The following DSCAML1 variants were observed in gnomAD, a reference collection of about 807,000 sequenced individuals.
DSCAML1 encodes the protein cell adhesion molecule DSCAML1.
In DSCAML1, 38 loss-of-function variants were observed where a neutral mutation model predicts 200.5. That is an observed-to-expected ratio of 0.19 (90% CI 0.15 to 0.25). DSCAML1 has a LOEUF of 0.25. Ranked by LOEUF, DSCAML1 falls within the 10% of genes least tolerant of loss-of-function variation. The probability of loss-of-function intolerance (pLI) is 1.00; values close to 1 mark genes in which losing one functional copy is unlikely to be tolerated. For missense variants in DSCAML1, 2,223 were observed against 2,858.8 expected, an observed-to-expected ratio of 0.78 and a Z score of 5.07; for synonymous variants, 1,215 against 1,165.0, an observed-to-expected ratio of 1.04 and a Z score of -0.87.
chr11:117,610,529 A>T (rs984699222), intron 3 of DSCAML1, among the ~76,000 whole-genome samples: 9 of 152,092 alleles, frequency 5.9e-5, no homozygotes, highest in Non-Finnish European at 1.0e-4. Context: ...GCAAGGGCTC[A>T]TGGAGTGGTG....
intron 12 of DSCAML1, among the ~76,000 whole-genome samples, chr11:117,481,500 G>A (rs1186320131): frequency 3.4e-5 from 5 of 147,516 alleles, no homozygotes; most frequent in Non-Finnish European, 7.5e-5. Context: ...GAGGGGCTGA[G>A]GAGTCCTAGG....
chr11:117,614,783 G>T (rs1367745714), intron 3 of DSCAML1, among the ~76,000 whole-genome samples: 1 of 152,212 alleles, frequency 6.6e-6, no homozygotes, highest in East Asian at 1.9e-4. Context: ...GTCTTGACAT[G>T]TAGGGAAGTT....
At chr11:117,761,121 C>G (rs1442304063) in intron 3 of DSCAML1, among the ~76,000 whole-genome samples, 1 of 152,140 alleles carries the variant, frequency 6.6e-6, no homozygotes, top group Non-Finnish European at 1.5e-5. Context: ...GGACACACAG[C>G]CCACCGAGGA....
rs1455207934 is a variant in DSCAML1, at chr11:117,480,316, C to T, written c.2785+127G>A. ...ACAGCTGCTTGTGCACTGGTGGGTG[C>T]TTGTGTGTCTAGCTTGGATGGGCAG... On this transcript the variant is annotated intron_variant, in intron 14 of 32. Transcript: ENST00000651296. This position sits in a 1 kb window ranked among gnomAD's most constrained non-coding sequence, Gnocchi z 4.1. 5.0e-6 allele frequency: 7 copies of T among 1,405,050 alleles called. No individual in the cohort carries two copies. Among genetic ancestry groups the T allele is most frequent in the Non-Finnish European group, 3.9e-6 (4 of 1,033,722 alleles). 87.0% of individuals were successfully genotyped at this position (1,405,050 alleles called of 1,614,324 possible). A position where few individuals can be genotyped will look rare whatever the true frequency, so the allele number is the denominator to read the frequency against.
Position 117,797,058 on chromosome 11 carries a change from G to C in DSCAML1, c.22C>G (p.Leu8Val), listed in dbSNP as rs936228225. MWLVTFL[L>V]LLDSLHKARP... ...CCTTTGTGTAAAGAGTCCAGGAGCA[G>C]GAGGAAAGTTACCAGCCACATGCCA... The change falls in exon 1 of 33, where the codon CTG becomes GTG. Residue 8 changes from leucine (L) to valine (V), a missense_variant. Transcript: ENST00000651296. The C allele has an allele frequency of 6.4e-7, 1 of 1,571,728 alleles. No individual in the cohort carries two copies. The highest frequency in any genetic ancestry group is 8.6e-7 in the Non-Finnish European group (1 of 1,160,102).
intron 3 of DSCAML1, among the ~76,000 whole-genome samples, chr11:117,581,336 T>A (rs190251186): frequency 6.3e-4 from 96 of 152,300 alleles, no homozygotes; most frequent in South Asian, 1.5e-3. Context: ...AGAATTTGCA[T>A]ATAGTAAATC....
Position 117,536,023 on chromosome 11 carries a change from C to T in DSCAML1, c.512-3501G>A, listed in dbSNP as rs75941699. On this transcript the variant is annotated intron_variant, in intron 3 of 32. Coordinates refer to ENST00000651296, the MANE Select transcript of DSCAML1 (RefSeq NM_020693.4). The stretch of plus-strand genomic sequence containing the variant: ...TGTCCTCATTTTCCCCTCCCTCCCC[C>T]CCTTCTTGTGCATATTTAATTGCAG... 2.4e-4 allele frequency among the ~76,000 whole-genome samples: 36 copies of T among 152,216 alleles called. No individual in the cohort carries two copies. The East Asian group carries it at 5.6e-3, about 24-fold the overall frequency.
chr11:117,542,331 A>G (rs1215692535), intron 3 of DSCAML1, among the ~76,000 whole-genome samples: 1 of 146,010 alleles, frequency 6.8e-6, no homozygotes, highest in East Asian at 1.9e-4. Context: ...ACAAAACACA[A>G]AAACAACAAC....
At chr11:117,527,238 G>T (rs371061649) in intron 4 of DSCAML1, among the ~76,000 whole-genome samples, 1 of 152,164 alleles carries the variant, frequency 6.6e-6, no homozygotes, top group Non-Finnish European at 1.5e-5. Flanking sequence ...ATATGGACTT[G>T]GCAAAACTTC....
intron 3 of DSCAML1, among the ~76,000 whole-genome samples, chr11:117,539,293 A>C (rs2050222371): frequency 6.6e-6 from 1 of 152,034 alleles, no homozygotes; most frequent in African/African-American, 2.4e-5. Flanking sequence ...TATTTCTACT[A>C]CAACCAGTTA....
intron 32 of DSCAML1, 97 bp from the exon 33 acceptor site, chr11:117,428,900 C>T: frequency 1.6e-6 from 2 of 1,274,510 alleles, no homozygotes. Flanking sequence ...AGTCTTCTCT[C>T]TGATTTGGCA....
intron 16 of DSCAML1, among the ~76,000 whole-genome samples, chr11:117,468,504 C>T (rs1469062340): frequency 6.6e-6 from 1 of 152,218 alleles, no homozygotes; most frequent in Non-Finnish European, 1.5e-5. Flanking sequence ...TTCATCCCTG[C>T]CCCCACCTCC....
chr11:117,510,038 T>C (rs2049588017), intron 8 of DSCAML1, among the ~76,000 whole-genome samples: 2 of 152,204 alleles, frequency 1.3e-5, no homozygotes, highest in African/African-American at 4.8e-5. Context: ...GAGGCCTGAG[T>C]GGCTGAGAAG....
At chr11:117,476,288 G>A (rs923813161) in intron 14 of DSCAML1, among the ~76,000 whole-genome samples, 2 of 152,192 alleles carry the variant, frequency 1.3e-5, no homozygotes, top group Non-Finnish European at 2.9e-5. Context: ...AGGGGACGCA[G>A]CTTGGAGAAA....
In DSCAML1 at chr11:117,516,429, C is replaced by G. The variant is rs200921012; in HGVS notation, c.1783+38G>C. 283 of 1,589,842 alleles carry G rather than the reference C, an allele frequency of 1.8e-4. 1 individual carries two copies. In the African/African-American group the frequency reaches 3.3e-3, roughly 18 times the overall value. On this transcript the variant is annotated intron_variant, in intron 8 of 32. Coordinates refer to ENST00000651296, the MANE Select transcript of DSCAML1 (RefSeq NM_020693.4). This position sits in a 1 kb window ranked among gnomAD's most constrained non-coding sequence, Gnocchi z 5.7. ...GAAAGGCCCACGCATCCTGGGTGGT[C>G]AGGCGGGCAGGGGCCCTGGCTGGTG... is the stretch of plus-strand genomic sequence containing the variant.
At chr11:117,805,864 CTCAGAGTCAGCAGG>C (rs1327966930) in intron 1 of DSCAML1, among the ~76,000 whole-genome samples, 1 of 152,194 alleles carries the variant, frequency 6.6e-6, no homozygotes, top group Non-Finnish European at 1.5e-5. Context: ...AGCCTACATG[CTCAGAGTCAGCAGG>C]TCAGAGTGTG....
rs2049457232 is a variant in DSCAML1 at position 117,504,626 on chromosome 11, G to A, written c.2182+298C>T. 6.6e-6 allele frequency among the ~76,000 whole-genome samples: 1 copy of A among 152,206 alleles called. No individual in the cohort carries two copies. Among genetic ancestry groups the A allele is most frequent in the South Asian group, 2.1e-4 (1 of 4,832 alleles). On this transcript the variant is annotated intron_variant, in intron 10 of 32. Coordinates refer to ENST00000651296, the MANE Select transcript of DSCAML1 (RefSeq NM_020693.4). The surrounding 1 kb of genome is among the most constrained non-coding windows in gnomAD (Gnocchi z 5.0). ...CTCTGGGGCCCCAGGGGAGGGTGCG[G>A]TAGGGAAAGCAGGCATACACTGAGT...
At position 117,521,299 on chromosome 11, in the gene DSCAML1, C is replaced by T; in HGVS notation, c.1044G>A (p.Trp348Ter). The T allele has an allele frequency of 6.2e-7, 1 of 1,614,220 alleles. No individual in the cohort carries two copies. Among genetic ancestry groups the T allele is most frequent in the Non-Finnish European group, 8.5e-7 (1 of 1,180,036 alleles). ...GCAGCACCAGCTCCGTGTTGCGATA[C>T]CAGCGGATGGTGAACTCTGGGGAGC... ...LTGSPEFTIR[W>*]YRNTELVLPD... The change falls in exon 6 of 33, where the codon TGG (tryptophan) becomes TGA (stop). Residue 348 changes from tryptophan to a stop codon, truncating the protein, a stop_gained. Coordinates refer to ENST00000651296, the MANE Select transcript of DSCAML1 (RefSeq NM_020693.4). LOFTEE classifies it high-confidence loss of function.
At chr11:117,456,158 C>T (rs2048364578) in intron 19 of DSCAML1, among the ~76,000 whole-genome samples, 2 of 152,190 alleles carry the variant, frequency 1.3e-5, no homozygotes, top group Admixed American at 1.3e-4. Context: ...CAGGAAGAGA[C>T]TCCCTCTTCT....
Sources: gnomAD v4.1 joint callset for allele counts (sites outside exome capture counted in the v4.1 genomes callset) on GRCh38, gnomAD v4.1.1 for gene constraint, Gnocchi (gnomAD v3.1) non-coding constraint, MANE v1.5 for transcripts, NCBI Gene and HGNC (gene_info 2026-07-23, HGNC 2026-07-21) for gene names.